Variants in AKAP7 observed in about 807,000 individuals in gnomAD.
AKAP7 encodes A-kinase anchoring protein 7.
In AKAP7, 39 loss-of-function variants were observed where a neutral mutation model predicts 39.5. That is an observed-to-expected ratio of 0.99 (90% CI 0.76 to 1.29). The LOEUF is 1.29. Among genes scored for constraint, AKAP7 ranks in the 50% most tolerant of loss-of-function variants. The probability of loss-of-function intolerance (pLI) is 0.00; values close to 1 mark genes in which losing one functional copy is unlikely to be tolerated. For missense variants in AKAP7, 414 were observed against 407.7 expected, an observed-to-expected ratio of 1.02 and a Z score of -0.13; for synonymous variants, 140 against 139.1, an observed-to-expected ratio of 1.01 and a Z score of -0.05.
At chr6:131,192,004 G>T (rs901076247) in intron 5 of AKAP7, among the ~76,000 whole-genome samples, 3 of 152,038 alleles carry the variant, frequency 2.0e-5, no homozygotes, top group Admixed American at 6.6e-5. Context: ...TCAAACTCCT[G>T]AGCTCAAGCA....
intron 2 of AKAP7, among the ~76,000 whole-genome samples, chr6:131,148,969 A>G (rs1801695546): frequency 6.6e-6 from 1 of 152,190 alleles, no homozygotes; most frequent in South Asian, 2.1e-4. Context: ...TTGCGAGTTA[A>G]CTGCCAAGAA....
At chr6:131,133,280 A>T (rs550762312), upstream of AKAP7, among the ~76,000 whole-genome samples, 1 of 152,188 alleles carries the variant, frequency 6.6e-6, no homozygotes, top group African/African-American at 2.4e-5. Context: ...TAGATTTTGT[A>T]TTCAGTATGT....
chr6:131,264,095 C>G (rs529523797), intron 7 of AKAP7, among the ~76,000 whole-genome samples: 7 of 152,156 alleles, frequency 4.6e-5, no homozygotes, highest in African/African-American at 1.4e-4. Context: ...TATATCCAGT[C>G]TTTTGGGGAT....
At position 131,143,606 on chromosome 6, in the gene AKAP7, G is replaced by A. The variant is rs552562772; in HGVS notation, c.20-1679G>A. 9.7e-4 allele frequency among the ~76,000 whole-genome samples: 147 copies of A among 152,216 alleles called. 4 individuals are homozygous for A. The South Asian group carries it at 0.03, about 31-fold the overall frequency. On this transcript the variant is annotated intron_variant, in intron 1 of 7. Coordinates refer to ENST00000431975, the MANE Select transcript of AKAP7 (RefSeq NM_016377.4). ...CTCAGGTATTCCTTTATAGCAATGC[G>A]AATGGACTAATACAACAGGGGTGTG...
chr6:131,173,829 A>C (rs1200496399), intron 5 of AKAP7, among the ~76,000 whole-genome samples: 1 of 152,166 alleles, frequency 6.6e-6, no homozygotes, highest in African/African-American at 2.4e-5. Flanking sequence ...ATTTCTAATT[A>C]CTCATTCATT....
chr6:131,189,645 C>G (rs1364079635), intron 5 of AKAP7, among the ~76,000 whole-genome samples: 1 of 151,984 alleles, frequency 6.6e-6, no homozygotes, highest in Admixed American at 6.6e-5. Flanking sequence ...AGAAAATCTC[C>G]TATAGAAAAA....
intron 7 of AKAP7, among the ~76,000 whole-genome samples, chr6:131,273,067 T>G (rs958603300): frequency 6.6e-6 from 1 of 152,200 alleles, no homozygotes; most frequent in African/African-American, 2.4e-5. Flanking sequence ...GAAGAATTGA[T>G]TCCCTCATTA....
chr6:131,239,396 C>G (rs1811339830), intron 7 of AKAP7, among the ~76,000 whole-genome samples: 1 of 152,156 alleles, frequency 6.6e-6, no homozygotes. Context: ...TTGGAGTGCT[C>G]TTCTCGAGGA....
intron 3 of AKAP7, among the ~76,000 whole-genome samples, chr6:131,161,241 A>G (rs1302422653): frequency 6.6e-6 from 1 of 152,188 alleles, no homozygotes; most frequent in African/African-American, 2.4e-5. Context: ...ATACATAACA[A>G]GAGAAGAGTT....
At chr6:131,244,290 G>A (rs1054607404) in intron 7 of AKAP7, among the ~76,000 whole-genome samples, 1 of 152,124 alleles carries the variant, frequency 6.6e-6, no homozygotes, top group Non-Finnish European at 1.5e-5. Context: ...CCCTCCTTGG[G>A]CCCTGGCTCT....
intron 7 of AKAP7, among the ~76,000 whole-genome samples, chr6:131,247,279 A>G (rs1435979659): frequency 0.024 from 617 of 25,610 alleles, 17 homozygotes; most frequent in African/African-American, 0.079. Context: ...GTATATATAT[A>G]TATATATATA....
intron 7 of AKAP7, among the ~76,000 whole-genome samples, chr6:131,251,153 G>A (rs1812416224): frequency 6.6e-6 from 1 of 152,194 alleles, no homozygotes; most frequent in African/African-American, 2.4e-5. Flanking sequence ...ATGCCGCTTT[G>A]CTTCTAGCAG....
intron 7 of AKAP7, among the ~76,000 whole-genome samples, chr6:131,258,724 A>G (rs965810469): frequency 6.6e-6 from 1 of 152,232 alleles, no homozygotes; most frequent in Non-Finnish European, 1.5e-5. Flanking sequence ...CTTAAATTAT[A>G]TGGTAACTAG....
chr6:131,186,063 G>A (rs910771413), intron 5 of AKAP7, among the ~76,000 whole-genome samples: 2 of 152,204 alleles, frequency 1.3e-5, no homozygotes, highest in African/African-American at 4.8e-5. Context: ...AGCACCATTT[G>A]TTGAAAGACT....
intron 7 of AKAP7, among the ~76,000 whole-genome samples, chr6:131,267,326 AAAT>A (rs1337019639): frequency 6.6e-6 from 1 of 152,162 alleles, no homozygotes; most frequent in Non-Finnish European, 1.5e-5. Flanking sequence ...TTTTCCCATA[AAAT>A]AATAGGAATG....
At chr6:131,245,353 T>C (rs1811915980) in intron 7 of AKAP7, among the ~76,000 whole-genome samples, 1 of 150,964 alleles carries the variant, frequency 6.6e-6, no homozygotes, top group Non-Finnish European at 1.5e-5. Flanking sequence ...CATGCAATTC[T>C]CCTGCCTCAG....
chr6:131,156,596 C>T (rs1030466712), intron 2 of AKAP7, among the ~76,000 whole-genome samples: 8 of 152,024 alleles, frequency 5.3e-5, no homozygotes, highest in Admixed American at 1.3e-4. Context: ...GCTATGATTG[C>T]ATCACTGCAC....
intron 7 of AKAP7, among the ~76,000 whole-genome samples, chr6:131,265,609 T>C (rs944908208): frequency 1.3e-5 from 2 of 152,096 alleles, no homozygotes; most frequent in Non-Finnish European, 2.9e-5. Context: ...GCAATATAAA[T>C]AGTTTCTGGT....
chr6:131,253,117 G>C (rs749629122), intron 7 of AKAP7: 2 of 1,610,762 alleles, frequency 1.2e-6, no homozygotes, highest in Non-Finnish European at 1.7e-6. Flanking sequence ...TAAGAGTCAA[G>C]TGACCCCTCC....
Sources: gnomAD v4.1 joint callset for allele counts (sites outside exome capture counted in the v4.1 genomes callset) on GRCh38, gnomAD v4.1.1 for gene constraint, MANE v1.5 for transcripts, NCBI Gene and HGNC (gene_info 2026-07-23, HGNC 2026-07-21) for gene names.